Variants in GPC6 observed in about 807,000 individuals in gnomAD.
GPC6 encodes the protein glypican-6.
GPC6 carries 14 observed loss-of-function variants against 55.2 expected under a neutral mutation model. That is an observed-to-expected ratio of 0.25 (90% confidence interval 0.17 to 0.40). The LOEUF (loss-of-function observed/expected upper bound fraction) is 0.40, where lower values mean the gene tolerates loss of function less well. Ranked by LOEUF, GPC6 falls within the 10% of genes least tolerant of loss-of-function variation. GPC6 has a pLI of 1.00. For synonymous variants in GPC6, 278 were observed against 259.6 expected, an observed-to-expected ratio of 1.07 and a Z score of -0.68; for missense variants, 641 against 708.5, an observed-to-expected ratio of 0.90 and a Z score of 1.08.
Position 94,286,384 on chromosome 13 carries a change from C to T in GPC6, c.913C>T (p.Pro305Ser). The change falls in exon 5 of 9, where the codon CCA becomes TCA. Residue 305 changes from proline to serine, a missense_variant. Transcript: ENST00000377047. Reference sequence around the variant, plus strand: ...CTTGGTGGCAGAGCGACTGGAGGGGCCATTCAACATTGAGTCGGTCATGGA... The same window carrying T: ...CTTGGTGGCAGAGCGACTGGAGGGGTCATTCAACATTGAGTCGGTCATGGA... ...MLLVAERLEG[P>S]FNIESVMDPI... is the part of the protein sequence containing the mutation. The T allele has an allele frequency of 6.2e-7, 1 of 1,613,538 alleles. No homozygotes were observed. Among genetic ancestry groups the T allele is most frequent in the Non-Finnish European group, 8.5e-7 (1 of 1,179,674 alleles).
At chr13:93,798,834 G>A (rs959060186) in intron 2 of GPC6, among the ~76,000 whole-genome samples, 10 of 145,876 alleles carry the variant, frequency 6.9e-5, no homozygotes, top group African/African-American at 2.3e-4. Context: ...CAGGAGAATC[G>A]CTTGAACCCA....
chr13:93,338,088 C>A (rs1481352963), intron 1 of GPC6, among the ~76,000 whole-genome samples: 1 of 152,108 alleles, frequency 6.6e-6, no homozygotes, highest in African/African-American at 2.4e-5. Flanking sequence ...GAGGAAGCTA[C>A]TGATTTTAGG....
intron 1 of GPC6, among the ~76,000 whole-genome samples, chr13:93,412,767 A>G (rs965711008): frequency 2.6e-5 from 4 of 152,316 alleles, no homozygotes; most frequent in Non-Finnish European, 4.4e-5. Flanking sequence ...AAAATCAAGC[A>G]TTATGTGTAA....
At chr13:93,929,727 C>A (rs1878056411) in intron 3 of GPC6, among the ~76,000 whole-genome samples, 1 of 150,290 alleles carries the variant, frequency 6.7e-6, no homozygotes. Context: ...GTCTAATAGC[C>A]CCATTAAACA....
chr13:93,986,073 A>G (rs1160973899), intron 3 of GPC6, among the ~76,000 whole-genome samples: 1 of 152,082 alleles, frequency 6.6e-6, no homozygotes, highest in African/African-American at 2.4e-5. Flanking sequence ...ACATGAATTG[A>G]TCCATTACTC....
chr13:94,208,673 A>G (rs1234773425), intron 4 of GPC6, among the ~76,000 whole-genome samples: 1 of 149,672 alleles, frequency 6.7e-6, no homozygotes, highest in Non-Finnish European at 1.5e-5. Flanking sequence ...TGTAATCCCA[A>G]CATGATGGTG....
intron 4 of GPC6, among the ~76,000 whole-genome samples, chr13:94,148,380 G>A (rs1887630861): frequency 6.6e-6 from 1 of 151,980 alleles, no homozygotes; most frequent in Non-Finnish European, 1.5e-5. Context: ...ATTTTTACCA[G>A]GAAAAACTCA....
intron 2 of GPC6, among the ~76,000 whole-genome samples, chr13:93,681,189 CTTTG>C (rs1431001951): frequency 1.3e-5 from 2 of 152,062 alleles, no homozygotes; most frequent in African/African-American, 4.8e-5. Context: ...GGATATTTAG[CTTTG>C]TTTATTACCC....
chr13:94,085,292 A>C (rs1885237539), intron 4 of GPC6, among the ~76,000 whole-genome samples: 1 of 132,768 alleles, frequency 7.5e-6, no homozygotes. Context: ...ACTGCACTCC[A>C]GCCTGGGTGA....
In GPC6 at chr13:94,208,058, T is replaced by G. The variant is rs1201048397; in HGVS notation, c.878-78291T>G. The stretch of plus-strand genomic sequence containing the variant: ...TCCATAGAGATTAGTAGTTTTTACA[T>G]ACTGGTTCATTTTTCTGGCATTACT... On this transcript the variant is annotated intron_variant, in intron 4 of 8. Transcript: ENST00000377047. Among the ~76,000 whole-genome samples the G allele has an allele frequency of 2.6e-5, 4 of 152,306 alleles. No homozygotes were observed. In the East Asian group the frequency reaches 7.7e-4, roughly 29 times the overall value.
intron 1 of GPC6, among the ~76,000 whole-genome samples, chr13:93,301,487 A>G (rs1250529369): frequency 2.0e-5 from 3 of 152,214 alleles, no homozygotes; most frequent in African/African-American, 7.2e-5. Flanking sequence ...TGCATTAGCT[A>G]TGCTGAGCTT....
intron 2 of GPC6, among the ~76,000 whole-genome samples, chr13:93,706,027 A>C (rs1594387258): frequency 6.6e-6 from 1 of 151,968 alleles, no homozygotes; most frequent in East Asian, 1.9e-4. Flanking sequence ...AAAAAATGGA[A>C]AAAAATGTAG....
intron 2 of GPC6, among the ~76,000 whole-genome samples, chr13:93,671,592 GT>G (rs1284998310): frequency 6.9e-6 from 1 of 144,364 alleles, no homozygotes; most frequent in East Asian, 1.9e-4. Context: ...TTTTCTCTGG[GT>G]TTTTAAGGGT....
At chr13:93,751,994 G>C (rs886286274) in intron 2 of GPC6, among the ~76,000 whole-genome samples, 2 of 151,908 alleles carry the variant, frequency 1.3e-5, no homozygotes, top group African/African-American at 4.8e-5. Flanking sequence ...TATTTTCTCT[G>C]ACAGTATTTC....
chr13:93,763,741 T>C (rs1045109758), intron 2 of GPC6, among the ~76,000 whole-genome samples: 4 of 152,172 alleles, frequency 2.6e-5, no homozygotes, highest in African/African-American at 9.6e-5. Flanking sequence ...CCCAATAACA[T>C]GTTGCTGTGT....
chr13:93,850,392 T>C (rs1888352216), intron 3 of GPC6, among the ~76,000 whole-genome samples: 1 of 151,906 alleles, frequency 6.6e-6, no homozygotes, highest in African/African-American at 2.4e-5. Context: ...CGGGAGACCA[T>C]TGGTACAAGC....
intron 2 of GPC6, among the ~76,000 whole-genome samples, chr13:93,815,240 C>A (rs1886812594): frequency 6.6e-6 from 1 of 152,076 alleles, no homozygotes; most frequent in South Asian, 2.1e-4. Context: ...AAAACATCCA[C>A]TAAAGTGTGA....
chr13:94,026,955 T>A (rs1464518077), intron 3 of GPC6, among the ~76,000 whole-genome samples: 1 of 152,184 alleles, frequency 6.6e-6, no homozygotes, highest in East Asian at 1.9e-4. Flanking sequence ...TAATTCACGA[T>A]GAGATTTGGG....
intron 1 of GPC6, among the ~76,000 whole-genome samples, chr13:93,477,037 C>T (rs1261070686): frequency 2.0e-5 from 3 of 151,930 alleles, no homozygotes; most frequent in African/African-American, 7.3e-5. Flanking sequence ...CTATAAGAAC[C>T]GCATGTAGAT....
Sources: allele counts gnomAD v4.1 joint callset (sites outside exome capture counted in the v4.1 genomes callset), GRCh38; gene constraint gnomAD v4.1.1; transcripts MANE v1.5; gene names NCBI Gene and HGNC (gene_info 2026-07-23, HGNC 2026-07-21).